The following EIF2D variants were observed in gnomAD, a reference collection of about 807,000 sequenced individuals.
EIF2D encodes the protein hepatocellular carcinoma-associated antigen 56.
In EIF2D, 56 loss-of-function variants were observed where a neutral mutation model predicts 77.4. The ratio of observed to expected loss-of-function variants is 0.72; its 90% CI spans 0.58 to 0.90. The LOEUF is 0.90. Ranked by LOEUF, EIF2D falls within the 40% of genes least tolerant of loss-of-function variation. The pLI, the probability that EIF2D is intolerant of heterozygous loss-of-function variation, is 0.00. For synonymous variants in EIF2D, 230 were observed against 271.0 expected (o/e 0.85, Z 1.49); for missense variants, 574 against 706.5 (o/e 0.81, Z 2.13).
At position 206,597,754 on chromosome 1, in the gene EIF2D, G is replaced by A. The variant is rs193089511; in HGVS notation, c.1293-559C>T. Among the ~76,000 whole-genome samples the A allele has an allele frequency of 5.2e-3, 789 of 152,218 alleles. 4 individuals carry two copies. The highest frequency in any genetic ancestry group is 0.011 in the Admixed American group (166 of 15,292). On this transcript the variant is annotated intron_variant, in intron 11 of 14. Transcript: ENST00000271764. ...GAGGTCAGGAGTTCAAGACTAGCCT[G>A]GCCAACATGGTGAAACCCCGTCTCT...
intron 4 of EIF2D, among the ~76,000 whole-genome samples, chr1:206,575,643 G>A (rs1668613415): frequency 6.6e-6 from 1 of 152,144 alleles, no homozygotes; most frequent in Non-Finnish European, 1.5e-5. Context: ...AAATAGAAGA[G>A]GAAGCAATGA....
chr1:206,585,431 G>T, intron 2 of EIF2D: 1 of 689,264 alleles, frequency 1.5e-6, no homozygotes, highest in South Asian at 1.6e-5. Context: ...AGAGTGAGCA[G>T]GGGTGGGTGA....
chr1:206,599,364 G>A lies in EIF2D; in HGVS notation c.1202+99C>T. ...TGGAGAAGGGGAGAACAGGGGCAGA[G>A]CAGGTTTTGCCAGTCGCAAAAGAGC... On this transcript the variant is annotated intron_variant, in intron 10 of 14. Coordinates refer to ENST00000271764, the MANE Select transcript of EIF2D (RefSeq NM_006893.3). The surrounding 1 kb of genome is among the most constrained non-coding windows in gnomAD (Gnocchi z 4.1). 2 of 1,459,340 alleles carry A rather than the reference G, an allele frequency of 1.4e-6. No homozygotes were observed. The highest frequency in any genetic ancestry group is 1.9e-6 in the Non-Finnish European group (2 of 1,071,026). 90.4% of individuals were successfully genotyped at this position (1,459,340 alleles called of 1,614,324 possible). A position where few individuals can be genotyped will look rare whatever the true frequency, so the allele number is the denominator to read the frequency against.
chr1:206,580,525 G>T (rs782402947), intron 4 of EIF2D, among the ~76,000 whole-genome samples: 17 of 152,182 alleles, frequency 1.1e-4, no homozygotes, highest in South Asian at 4.1e-4. Context: ...GGCACATCTG[G>T]TCCCATAGAC....
intron 2 of EIF2D, chr1:206,585,355 G>A: frequency 8.0e-7 from 1 of 1,254,764 alleles, no homozygotes; most frequent in African/African-American, 1.5e-5. Flanking sequence ...GGTGCAGGTG[G>A]GTGTTGTCCT....
At chr1:206,596,934 A>ACC (rs11284613) in intron 12 of EIF2D, among the ~76,000 whole-genome samples, 166 bp downstream of exon 12, 1 of 151,802 alleles carries the variant, frequency 6.6e-6, no homozygotes, top group Non-Finnish European at 1.5e-5. Flanking sequence ...TGTTCCAAAG[A>ACC]CCCCCCAAAT....
intron 4 of EIF2D, among the ~76,000 whole-genome samples, chr1:206,574,853 CTTT>C (rs71570015): frequency 9.3e-5 from 8 of 86,112 alleles, no homozygotes; most frequent in African/African-American, 3.2e-4. Flanking sequence ...GGACCAATGA[CTTT>C]TTTTTTTTTT....
At chr1:206,580,061 AGGTCAG>A (rs1381598336) in intron 4 of EIF2D, among the ~76,000 whole-genome samples, 22 of 152,170 alleles carry the variant, frequency 1.4e-4, no homozygotes, top group Non-Finnish European at 2.5e-4. Flanking sequence ...CAGAATGGTG[AGGTCAG>A]GGCTGCTGTC....
intron 11 of EIF2D, 66 bp downstream of exon 11, chr1:206,598,937 A>G: frequency 6.7e-7 from 1 of 1,499,386 alleles, no homozygotes. Context: ...ATCCTCCCCA[A>G]ATGTGTCTAT....
chr1:206,588,764 A>C (rs1669236971), downstream of EIF2D: 1 of 152,764 alleles, frequency 6.5e-6, no homozygotes, highest in South Asian at 2.1e-4. Context: ...TCTCATGCTC[A>C]GCCTTATCAC....
Position 206,599,906 on chromosome 1 carries a change from C to T in EIF2D, c.949-70G>A, listed in dbSNP as rs896952453. The T allele has an allele frequency of 4.8e-5, 68 of 1,425,242 alleles. No homozygotes were observed. Among genetic ancestry groups the T allele is most frequent in the Non-Finnish European group, 6.7e-5 (68 of 1,016,974 alleles). The allele number at this position is 1,425,242 out of a possible 1,614,324, so 88.3% of individuals were successfully genotyped here. The stretch of plus-strand genomic sequence containing the variant: ...ACACATACTGAGCACCCAGGATGTG[C>T]CAGAGTGAGCTAGGCAGGGACTGTG... On this transcript the variant is annotated intron_variant, in intron 8 of 14. Coordinates refer to ENST00000271764, the MANE Select transcript of EIF2D (RefSeq NM_006893.3). This position sits in a 1 kb window ranked among gnomAD's most constrained non-coding sequence, Gnocchi z 4.1.
At chr1:206,578,232 AAGT>A (rs199572241) in intron 4 of EIF2D, among the ~76,000 whole-genome samples, 27,591 of 130,070 alleles carry the variant, frequency 0.21, 2,539 homozygotes, top group South Asian at 0.26. Context: ...CAAAAAAAAA[AAGT>A]GTGTGTGTGT....
rs150163860 is a variant in EIF2D at position 206,584,436 on chromosome 1, G to A, written c.139-3274C>T. On this transcript the variant is annotated intron_variant and NMD_transcript_variant, in intron 2 of 5. Transcript: ENST00000472709. This position sits in a 1 kb window ranked among gnomAD's most constrained non-coding sequence, Gnocchi z 4.9. ...TTCATCAAAGTGCATCTGAAACTCC[G>A]GCGGCCTGTGACGGTGCCTGCTGGG... The A allele has an allele frequency of 6.2e-5, 100 of 1,613,992 alleles. No homozygotes were observed. Among genetic ancestry groups the A allele is most frequent in the Middle Eastern group, 1.6e-4 (1 of 6,084 alleles).
chr1:206,582,535 G>A (rs4489558), intron 2 of EIF2D, among the ~76,000 whole-genome samples: 41,715 of 152,182 alleles, frequency 0.27, 6,011 homozygotes, highest in East Asian at 0.49. Context: ...TGTATGCCAA[G>A]TACTTGGCAC....
At position 206,593,522 on chromosome 1, in the gene EIF2D, T is replaced by C. The variant is rs1455375614; in HGVS notation, c.1684+97A>G. The C allele has an allele frequency of 5.3e-5, 44 of 828,070 alleles. 1 individual carries two copies. The highest frequency in any genetic ancestry group is 7.4e-5 in the Non-Finnish European group (39 of 525,100). 51.3% of individuals were successfully genotyped at this position (828,070 alleles called of 1,614,324 possible). A position where few individuals can be genotyped will look rare whatever the true frequency, so the allele number is the denominator to read the frequency against. ...GAGAGAGAGAGAGTGTGTGTGTGTG[T>C]GTGTGTGTGTGTGTGTGTGTATTAT... On this transcript the variant is annotated intron_variant, in intron 14 of 14. Coordinates refer to ENST00000271764, the MANE Select transcript of EIF2D (RefSeq NM_006893.3).
At chr1:206,605,118 A>G in intron 5 of EIF2D, 1 of 255,878 alleles carries the variant, frequency 3.9e-6, no homozygotes, top group Admixed American at 5.0e-5. Flanking sequence ...GGGCTATAAA[A>G]AAACGAGTAT....
intron 4 of EIF2D, 57 bp from the exon 5 acceptor site, chr1:206,605,564 G>T: frequency 7.0e-7 from 1 of 1,433,036 alleles, no homozygotes; most frequent in Non-Finnish European, 9.8e-7. Flanking sequence ...AAGGGCACAT[G>T]TTAGGATCAT....
intron 11 of EIF2D, among the ~76,000 whole-genome samples, chr1:206,598,670 A>G (rs1669769225): frequency 6.6e-6 from 1 of 152,196 alleles, no homozygotes; most frequent in East Asian, 1.9e-4. Flanking sequence ...AATATCTATC[A>G]ATAAAAATAA....
chr1:206,571,090 GCTTGTTATTTT>G (rs1431822018), downstream of EIF2D, among the ~76,000 whole-genome samples: 1 of 152,094 alleles, frequency 6.6e-6, no homozygotes, highest in Non-Finnish European at 1.5e-5. Flanking sequence ...CCATGCCAAT[GCTTGTTATTTT>G]CTTGTTTATT....
Sources: gnomAD v4.1 joint callset for allele counts (sites outside exome capture counted in the v4.1 genomes callset) on GRCh38, gnomAD v4.1.1 for gene constraint, Gnocchi (gnomAD v3.1) non-coding constraint, MANE v1.5 for transcripts, NCBI Gene and HGNC (gene_info 2026-07-23, HGNC 2026-07-21) for gene names.